MYH9: variants seen among roughly 807,000 people sequenced by gnomAD.
MYH9 encodes myosin heavy chain 9, also known as myosin-9.
A neutral mutation model predicts 241.9 loss-of-function variants in MYH9; 29 were observed. The ratio of observed to expected loss-of-function variants is 0.12; its 90% CI spans 0.09 to 0.16. The LOEUF (loss-of-function observed/expected upper bound fraction) is 0.16, where lower values mean the gene tolerates loss of function less well. Ranked by LOEUF, MYH9 falls within the 10% of genes least tolerant of loss-of-function variation. MYH9 has a pLI of 1.00. For synonymous variants in MYH9, 1,047 were observed against 1,062.6 expected (o/e 0.99, Z 0.29); for missense variants, 1,803 against 2,595.5 (o/e 0.69, Z 6.63).
At chr22:36,373,465 G>A (rs1036527127) in intron 1 of MYH9, among the ~76,000 whole-genome samples, 12 of 152,186 alleles carry the variant, frequency 7.9e-5, no homozygotes, top group South Asian at 2.1e-4. Context: ...CCAAAAGCCC[G>A]GACAGATCTC....
At chr22:36,334,874 T>C (rs1423695937) in intron 3 of MYH9, among the ~76,000 whole-genome samples, 3 of 152,192 alleles carry the variant, frequency 2.0e-5, no homozygotes, top group African/African-American at 7.2e-5. Context: ...TGAGTTGACT[T>C]GCTCCAGCCA....
intron 2 of MYH9, among the ~76,000 whole-genome samples, chr22:36,347,686 G>A (rs2017698169): frequency 6.6e-6 from 1 of 151,642 alleles, no homozygotes. Flanking sequence ...AGTGAGCTGT[G>A]ATCATGCCAC....
chr22:36,290,333 G>A (rs1331315461), intron 31 of MYH9, among the ~76,000 whole-genome samples: 3 of 106,922 alleles, frequency 2.8e-5, no homozygotes, highest in African/African-American at 1.3e-4. Context: ...GACAGAGACA[G>A]TCTCCAAAAA....
chr22:36,284,367 C>G, intron 39 of MYH9, 36 bp downstream of exon 39: 1 of 1,608,736 alleles, frequency 6.2e-7, no homozygotes, highest in Non-Finnish European at 8.5e-7. Context: ...CTGCCCAGCC[C>G]CGCTGCCCTT....
In MYH9 at chr22:36,295,084, G is replaced by C; in HGVS notation, c.3486-8C>G. 6.2e-7 allele frequency: 1 copy of C among 1,614,182 alleles called. No homozygotes were observed. On this transcript the variant is annotated splice_polypyrimidine_tract_variant and splice_region_variant and intron_variant, in intron 26 of 40. Transcript: ENST00000216181. The surrounding 1 kb of genome is among the most constrained non-coding windows in gnomAD (Gnocchi z 4.1). Reference sequence around the variant, plus strand: ...TCCTGCTCACGTTTTGACCTGGACAGAGAAATCCCCTCAGAGTGGAGGCCG... The same window carrying C: ...TCCTGCTCACGTTTTGACCTGGACACAGAAATCCCCTCAGAGTGGAGGCCG...
At chr22:36,374,873 C>T (rs2294356) in intron 1 of MYH9, among the ~76,000 whole-genome samples, 3 of 152,072 alleles carry the variant, frequency 2.0e-5, no homozygotes, top group Admixed American at 2.0e-4. Context: ...GCTCTGCCTG[C>T]GTCTGGGCAA....
At chr22:36,379,652 G>A (rs2018225050) in intron 1 of MYH9, among the ~76,000 whole-genome samples, 1 of 152,228 alleles carries the variant, frequency 6.6e-6, no homozygotes, top group African/African-American at 2.4e-5. Flanking sequence ...AGTGACTCGA[G>A]GGTGGGGAAG....
intron 5 of MYH9, chr22:36,324,986 A>G (rs895378726): frequency 2.8e-6 from 2 of 707,512 alleles, no homozygotes; most frequent in Non-Finnish European, 5.2e-6. Context: ...AGGAACTCCA[A>G]TGTCACCCTC....
rs1014362064 is a variant in MYH9 at position 36,329,346 on chromosome 22, G to A, written c.491-1858C>T. Among the ~76,000 whole-genome samples the A allele has an allele frequency of 2.0e-5, 3 of 152,206 alleles. No homozygotes were observed. The highest frequency in any genetic ancestry group is 6.5e-5 in the Admixed American group (1 of 15,286). On this transcript the variant is annotated intron_variant, in intron 3 of 40. Coordinates refer to ENST00000216181, the MANE Select transcript of MYH9 (RefSeq NM_002473.6). This position sits in a 1 kb window ranked among gnomAD's most constrained non-coding sequence, Gnocchi z 4.1. ...GACCTGCATCCTCGACTAGACAGAC[G>A]GGAAGACAGAAGGGAGGGAGGCGGC...
intron 1 of MYH9, among the ~76,000 whole-genome samples, chr22:36,372,934 A>T (rs1361593867): frequency 1.3e-5 from 2 of 151,974 alleles, no homozygotes; most frequent in African/African-American, 2.4e-5. Flanking sequence ...CACCTGGCAG[A>T]GGAAGCCTTT....
intron 31 of MYH9, among the ~76,000 whole-genome samples, chr22:36,291,306 T>A (rs936727898): frequency 5.3e-5 from 8 of 152,224 alleles, no homozygotes; most frequent in African/African-American, 1.7e-4. Context: ...GAAGTATACA[T>A]GGGAGACTTT....
chr22:36,335,124 T>C (rs2017478649), intron 3 of MYH9, among the ~76,000 whole-genome samples: 1 of 151,926 alleles, frequency 6.6e-6, no homozygotes, highest in Non-Finnish European at 1.5e-5. Flanking sequence ...CCCTCCTCTG[T>C]GCTAGTCTCT....
chr22:36,284,376 T>TTCTCACTGCCCC, intron 39 of MYH9, 27 bp downstream of exon 39: 1 of 1,610,112 alleles, frequency 6.2e-7, no homozygotes, highest in South Asian at 1.1e-5. Context: ...CCCGCTGCCC[T>TTCTCACTGCCCC]TCTCACTGCC....
Position 36,282,245 on chromosome 22 carries a change from G to A in MYH9, c.*423C>T, listed in dbSNP as rs187906538. 1.1e-5 allele frequency: 4 copies of A among 365,534 alleles called. No homozygotes were observed. In the East Asian group the frequency reaches 1.8e-4, roughly 17 times the overall value. 22.6% of individuals were successfully genotyped at this position (365,534 alleles called of 1,614,324 possible). On this transcript the variant is annotated 3_prime_UTR_variant, in exon 41 of 41. Coordinates refer to ENST00000216181, the MANE Select transcript of MYH9 (RefSeq NM_002473.6). ...AGGAGGAGTGGGGGCGCTGGTGGCA[G>A]ACGTCAGGGAGGCTGACGACTGCGG...
chr22:36,308,251 C>A (rs2017003058), intron 15 of MYH9, among the ~76,000 whole-genome samples: 1 of 151,402 alleles, frequency 6.6e-6, no homozygotes, highest in African/African-American at 2.4e-5. Context: ...AATTTTTAAA[C>A]AATTTTTGCT....
chr22:36,378,426 C>T (rs1437003524), intron 1 of MYH9, among the ~76,000 whole-genome samples: 1 of 152,132 alleles, frequency 6.6e-6, no homozygotes, highest in Non-Finnish European at 1.5e-5. Flanking sequence ...CCTAGCTCTG[C>T]CTGATCCCAA....
chr22:36,362,480 C>T (rs2017949312), intron 1 of MYH9, among the ~76,000 whole-genome samples: 1 of 152,130 alleles, frequency 6.6e-6, no homozygotes, highest in African/African-American at 2.4e-5. Flanking sequence ...ACCACAGAGA[C>T]ATGGCTTTAG....
At position 36,320,515 on chromosome 22, in the gene MYH9, C is replaced by T. The variant is rs2017233445; in HGVS notation, c.869-152G>A. On this transcript the variant is annotated intron_variant, in intron 8 of 40. Coordinates refer to ENST00000216181, the MANE Select transcript of MYH9 (RefSeq NM_002473.6). The surrounding 1 kb of genome is among the most constrained non-coding windows in gnomAD (Gnocchi z 4.8). ...AGAGTAGCCAGTGACGTTCAGCTTT[C>T]CTCAGTGTCTGAGACTCTGACACTC... is the stretch of plus-strand genomic sequence containing the variant. The T allele has an allele frequency of 5.7e-6, 6 of 1,051,938 alleles. No homozygotes were observed. In the Admixed American group the frequency reaches 9.6e-5, roughly 17 times the overall value. 65.2% of individuals were successfully genotyped at this position (1,051,938 alleles called of 1,614,324 possible). A position where few individuals can be genotyped will look rare whatever the true frequency, so the allele number is the denominator to read the frequency against.
Position 36,349,157 on chromosome 22 carries a change from G to A in MYH9, c.80C>T (p.Ala27Val). The A allele has an allele frequency of 6.2e-7, 1 of 1,614,188 alleles. No individual in the cohort carries two copies. Among genetic ancestry groups the A allele is most frequent in the Non-Finnish European group, 8.5e-7 (1 of 1,179,986 alleles). ...AGGCACCCATACCAGCTTCTTGGCAGCCCAGTCGGCCTGGGCCAGCGGATT... is the reference window on the plus strand; with the variant it reads ...AGGCACCCATACCAGCTTCTTGGCAACCCAGTCGGCCTGGGCCAGCGGATT... ...INNPLAQADW[A>V]AKKLVWVPSD... Residue 27 changes from alanine to valine, a missense_variant, in exon 2 of 41, where the codon GCT (alanine) becomes GTT (valine). Transcript: ENST00000216181.
Sources: allele counts gnomAD v4.1 joint callset (sites outside exome capture counted in the v4.1 genomes callset), GRCh38; gene constraint gnomAD v4.1.1; non-coding constraint Gnocchi (gnomAD v3.1); transcripts MANE v1.5; gene names NCBI Gene and HGNC (gene_info 2026-07-23, HGNC 2026-07-21).